The following NBEA variants were observed in gnomAD, a reference collection of about 807,000 sequenced individuals.
NBEA encodes the protein lysosomal-trafficking regulator 2.
Under a neutral mutation model 343.4 loss-of-function variants are expected in NBEA, and 44 were observed. The observed-to-expected ratio is 0.13, with a 90% CI of 0.10 to 0.16. The LOEUF is 0.16. Ranked by LOEUF, NBEA falls within the 10% of genes least tolerant of loss-of-function variation. The pLI, the probability that NBEA is intolerant of heterozygous loss-of-function variation, is 1.00. For missense variants in NBEA, 2,555 were observed against 3,631.3 expected (o/e 0.70, Z 7.62); for synonymous variants, 1,175 against 1,238.7 (o/e 0.95, Z 1.08).
intron 38 of NBEA, among the ~76,000 whole-genome samples, chr13:35,368,611 C>T (rs1485115195): frequency 1.3e-5 from 2 of 151,522 alleles, no homozygotes; most frequent in Non-Finnish European, 3.0e-5. Context: ...ATTGATACTA[C>T]TATTGTTCGT....
intron 41 of NBEA, among the ~76,000 whole-genome samples, chr13:35,506,015 A>G (rs890554133): frequency 9.9e-5 from 15 of 152,212 alleles, no homozygotes; most frequent in African/African-American, 3.4e-4. Context: ...ATCCATACTA[A>G]TTCATCAGAT....
intron 41 of NBEA, among the ~76,000 whole-genome samples, chr13:35,517,798 TAGAC>T (rs1315617436): frequency 1.3e-5 from 2 of 152,210 alleles, no homozygotes; most frequent in East Asian, 3.8e-4. Context: ...CTCACTTCCT[TAGAC>T]AGTAAACATC....
intron 1 of NBEA, among the ~76,000 whole-genome samples, chr13:34,991,753 T>C (rs1217958920): frequency 6.6e-6 from 1 of 152,238 alleles, no homozygotes; most frequent in African/African-American, 2.4e-5. Flanking sequence ...TTTCTTTTAC[T>C]TTTTGTTCCT....
At chr13:35,589,639 A>G (rs2081437571) in intron 46 of NBEA, among the ~76,000 whole-genome samples, 5 of 152,138 alleles carry the variant, frequency 3.3e-5, no homozygotes, top group South Asian at 2.1e-4. Flanking sequence ...CGTGTAAGAC[A>G]GAAGAATGAA....
At chr13:35,110,257 C>T (rs573079232) in intron 12 of NBEA, among the ~76,000 whole-genome samples, 35 of 142,736 alleles carry the variant, frequency 2.5e-4, no homozygotes, top group African/African-American at 8.3e-4. Flanking sequence ...AAGAAATGCT[C>T]ATCATCTTTG....
rs1456088282 is a variant in NBEA at position 35,159,761 on chromosome 13, C to G, written c.3590C>G (p.Thr1197Ser). The change falls in exon 22 of 59, where the codon ACT becomes AGT. Residue 1197 changes from threonine to serine, a missense_variant. Around this residue, in one of 21 missense-constraint regions of NBEA, gnomAD observed 367 missense variants for 377.5 expected, o/e 0.97. Coordinates refer to ENST00000379939, the MANE Select transcript of NBEA (RefSeq NM_001385012.1). ...CACATGACCGGTAGCGTAGACTTAA[C>G]TTGTACATCCAGTATAATAGAAGAA... is the stretch of plus-strand genomic sequence containing the variant. The part of the protein sequence containing the change: ...LAHMTGSVDL[T>S]CTSSIIEEKE... 6.2e-7 allele frequency: 1 copy of G among 1,613,152 alleles called. No homozygotes were observed. Among genetic ancestry groups the G allele is most frequent in the Non-Finnish European group, 8.5e-7 (1 of 1,179,564 alleles).
chr13:35,550,784 A>G, intron 42 of NBEA, 146 bp from the exon 43 acceptor site: 1 of 653,704 alleles, frequency 1.5e-6, no homozygotes, highest in Non-Finnish European at 2.6e-6. Context: ...TTTCTCATGG[A>G]TAAAGTTATA....
At chr13:35,296,572 A>G (rs796140102) in intron 35 of NBEA, among the ~76,000 whole-genome samples, 31 of 152,132 alleles carry the variant, frequency 2.0e-4, no homozygotes, top group African/African-American at 7.0e-4. Context: ...TGAATCCCTG[A>G]CACTAAGCCC....
intron 49 of NBEA, among the ~76,000 whole-genome samples, chr13:35,644,207 C>G (rs2084106498): frequency 6.6e-6 from 1 of 152,162 alleles, no homozygotes; most frequent in Non-Finnish European, 1.5e-5. Context: ...AAGAAATAAA[C>G]GTTCAGTGTC....
intron 33 of NBEA, among the ~76,000 whole-genome samples, chr13:35,226,765 A>C (rs1481977848): frequency 3.3e-5 from 5 of 151,392 alleles, no homozygotes; most frequent in Admixed American, 6.6e-5. Context: ...GGGCATCCCC[A>C]AAAAAGCATT....
At chr13:35,205,361 A>C (rs149417844) in intron 31 of NBEA, among the ~76,000 whole-genome samples, 2 of 152,198 alleles carry the variant, frequency 1.3e-5, no homozygotes, top group African/African-American at 4.8e-5. Flanking sequence ...ACTGGAATTC[A>C]TAAAAATTAT....
chr13:35,364,306 T>G (rs930427993), intron 38 of NBEA, among the ~76,000 whole-genome samples: 3 of 151,892 alleles, frequency 2.0e-5, no homozygotes, highest in Non-Finnish European at 2.9e-5. Flanking sequence ...TGCTTTCTTC[T>G]TCCAAGCACT....
At chr13:35,093,348 G>A (rs911181395) in intron 10 of NBEA, among the ~76,000 whole-genome samples, 1 of 150,838 alleles carries the variant, frequency 6.6e-6, no homozygotes. Context: ...TCACTGCATG[G>A]TCATTTAAAA....
intron 8 of NBEA, among the ~76,000 whole-genome samples, chr13:35,069,604 T>C (rs2063787624): frequency 6.6e-6 from 1 of 152,166 alleles, no homozygotes; most frequent in South Asian, 2.1e-4. Context: ...AGCTCTGATG[T>C]AGTCAAGTAA....
chr13:35,178,425 A>G (rs73505608), intron 28 of NBEA, among the ~76,000 whole-genome samples: 1 of 151,824 alleles, frequency 6.6e-6, no homozygotes. Flanking sequence ...GCAGTGACCT[A>G]TTCAGCCTTT....
At chr13:35,445,485 A>AT (rs922285106) in intron 39 of NBEA, among the ~76,000 whole-genome samples, 7 of 151,894 alleles carry the variant, frequency 4.6e-5, no homozygotes, top group Admixed American at 4.6e-4. Context: ...ATTGGTCTGA[A>AT]TTTTTTTAAT....
intron 35 of NBEA, among the ~76,000 whole-genome samples, chr13:35,292,815 T>C (rs2035884626): frequency 1.3e-5 from 2 of 152,068 alleles, no homozygotes; most frequent in African/African-American, 4.8e-5. Flanking sequence ...ATTCTGCAAA[T>C]GGAATTTTTA....
chr13:35,382,639 T>G (rs776095453), intron 38 of NBEA, among the ~76,000 whole-genome samples: 11 of 152,196 alleles, frequency 7.2e-5, no homozygotes, highest in Non-Finnish European at 1.6e-4. Flanking sequence ...TAAGCCTATA[T>G]GCACAGTGTT....
intron 39 of NBEA, among the ~76,000 whole-genome samples, chr13:35,449,218 G>A (rs1307936529): frequency 6.6e-6 from 1 of 152,184 alleles, no homozygotes; most frequent in East Asian, 1.9e-4. Context: ...TTCTTGACTG[G>A]GAGGAGTTAA....
Sources: gnomAD v4.1 joint callset for allele counts (sites outside exome capture counted in the v4.1 genomes callset) on GRCh38, gnomAD v4.1.1 for gene constraint, gnomAD v4.1.1 regional missense constraint, MANE v1.5 for transcripts, NCBI Gene and HGNC (gene_info 2026-07-23, HGNC 2026-07-21) for gene names.